FBXL13: variants seen among roughly 807,000 people sequenced by gnomAD.
The protein encoded by FBXL13 is F-box and leucine rich repeat protein 13.
FBXL13 carries 67 observed loss-of-function variants against 83.6 expected under a neutral mutation model. The observed-to-expected ratio is 0.80, with a 90% CI of 0.66 to 0.98. FBXL13 has a LOEUF of 0.98. FBXL13 is among the 50% of genes least tolerant of loss of function. The pLI is 0.00. For missense variants in FBXL13, 822 were observed against 866.5 expected (o/e 0.95, Z 0.64); for synonymous variants, 272 against 299.5 (o/e 0.91, Z 0.95).
chr7:102,993,100 A>G (rs1829748779), intron 6 of FBXL13, among the ~76,000 whole-genome samples: 1 of 152,230 alleles, frequency 6.6e-6, no homozygotes, highest in South Asian at 2.1e-4. Context: ...GTGGTTGTGG[A>G]ACCTTTCCTT....
rs186807929 is a variant in FBXL13, at chr7:103,060,519, T to C, written c.-104-4772A>G. On this transcript the variant is annotated intron_variant, in intron 1 of 19. Coordinates refer to ENST00000313221, the Ensembl canonical transcript of FBXL13. ...TGACTCTGACTTAAACCACACCTAATAGAAGATGTTAGGACAAAAGCATTT... is the reference window on the plus strand; with the variant it reads ...TGACTCTGACTTAAACCACACCTAACAGAAGATGTTAGGACAAAAGCATTT... 7.1e-3 allele frequency among the ~76,000 whole-genome samples: 1,074 copies of C among 152,160 alleles called. 16 individuals carry two copies. The highest frequency in any genetic ancestry group is 0.024 in the African/African-American group (1,014 of 41,530).
intron 8 of FBXL13, among the ~76,000 whole-genome samples, chr7:102,959,257 TTTC>T (rs1824788078): frequency 6.6e-6 from 1 of 152,224 alleles, no homozygotes; most frequent in East Asian, 1.9e-4. Flanking sequence ...TTTTGCATAA[TTTC>T]TTTTTTTCAC....
intron 6 of FBXL13, among the ~76,000 whole-genome samples, chr7:103,022,881 C>G (rs1793373268): frequency 6.6e-6 from 1 of 152,156 alleles, no homozygotes; most frequent in African/African-American, 2.4e-5. Flanking sequence ...ACAGAATAAA[C>G]AGACAACCTA....
rs1046131963 is a variant in FBXL13, at chr7:103,045,930, G to A, written c.-1+9714C>T. 4.6e-5 allele frequency among the ~76,000 whole-genome samples: 7 copies of A among 152,254 alleles called. No individual in the cohort carries two copies. The East Asian group carries it at 9.7e-4, about 21-fold the overall frequency. On this transcript the variant is annotated intron_variant, in intron 2 of 19. Coordinates refer to ENST00000313221, the Ensembl canonical transcript of FBXL13. ...CATGGTCGCACATTTCTTTCAGCTC[G>A]TCTTTCCATTTGAAGAGAGACCATT...
chr7:102,909,236 G>A (rs1157074342), intron 11 of FBXL13, among the ~76,000 whole-genome samples: 1 of 152,144 alleles, frequency 6.6e-6, no homozygotes, highest in Non-Finnish European at 1.5e-5. Context: ...TATGGCCCAA[G>A]GGCTTTTAAG....
At chr7:102,935,234 T>TTTTC (rs1820064760) in intron 8 of FBXL13, among the ~76,000 whole-genome samples, 1 of 133,374 alleles carries the variant, frequency 7.5e-6, no homozygotes, top group African/African-American at 2.6e-5. Context: ...TCCTTTTTTT[T>TTTTC]TTTCTTTCTT....
chr7:102,850,639 T>A (rs144957943), intron 17 of FBXL13, among the ~76,000 whole-genome samples: 8 of 152,220 alleles, frequency 5.3e-5, no homozygotes, highest in Non-Finnish European at 1.2e-4. Flanking sequence ...TTTAGAGGAA[T>A]CTTTCAACTT....
At chr7:102,818,746 G>C (rs945267651) in intron 19 of FBXL13, among the ~76,000 whole-genome samples, 1 of 151,960 alleles carries the variant, frequency 6.6e-6, no homozygotes, top group African/African-American at 2.4e-5. Context: ...TTGGGCTCCA[G>C]ATAGAAATAT....
At chr7:103,064,210 C>A (rs980167138) in intron 1 of FBXL13, among the ~76,000 whole-genome samples, 1 of 152,192 alleles carries the variant, frequency 6.6e-6, no homozygotes, top group Non-Finnish European at 1.5e-5. Context: ...ATATTGCCCT[C>A]CCCCATGACC....
intron 11 of FBXL13, among the ~76,000 whole-genome samples, chr7:102,887,739 C>T (rs1810984693): frequency 6.6e-6 from 1 of 152,158 alleles, no homozygotes; most frequent in Non-Finnish European, 1.5e-5. Flanking sequence ...AAATGTTTAT[C>T]ACATCTCAAA....
At chr7:103,060,037 T>TACAC (rs1490824202) in intron 1 of FBXL13, among the ~76,000 whole-genome samples, 38 of 93,222 alleles carry the variant, frequency 4.1e-4, no homozygotes, top group African/African-American at 1.9e-3. Flanking sequence ...TATATATATA[T>TACAC]ATATATATAT....
At chr7:103,010,870 C>G (rs1009585329) in intron 6 of FBXL13, among the ~76,000 whole-genome samples, 5 of 152,214 alleles carry the variant, frequency 3.3e-5, no homozygotes, top group African/African-American at 1.2e-4. Flanking sequence ...TGATTCAGCC[C>G]TGTGCAACCG....
At position 102,877,499 on chromosome 7, in the gene FBXL13, T is replaced by C. The variant is rs17135873; in HGVS notation, c.1603A>G (p.Ile535Val). ...GAGATGTCTGTTCCAGAGAGATCTA[T>C]TGATACCAAGGAAAAGATGTTTACA... is the stretch of plus-strand genomic sequence containing the variant. Residue 535 changes from isoleucine (I) to valine (V), a missense_variant, in exon 16 of 20, where the codon ATA becomes GTA. Transcript: ENST00000313221. The C allele has an allele frequency of 2.5e-3, 4,039 of 1,610,590 alleles. 96 individuals carry two copies. The African/African-American group carries it at 0.047, about 19-fold the overall frequency.
At chr7:102,904,196 T>C (rs1045104369) in intron 11 of FBXL13, among the ~76,000 whole-genome samples, 4 of 152,000 alleles carry the variant, frequency 2.6e-5, no homozygotes. Context: ...TGTTCAGATT[T>C]TGGATTTCTT....
chr7:102,860,151 G>T (rs540242002), intron 16 of FBXL13, among the ~76,000 whole-genome samples: 2 of 152,158 alleles, frequency 1.3e-5, no homozygotes, highest in African/African-American at 4.8e-5. Context: ...TTCATCCTAT[G>T]CAACAGAATT....
At chr7:102,832,719 CA>C in intron 18 of FBXL13, 120 bp downstream of exon 19, 1 of 1,217,806 alleles carries the variant, frequency 8.2e-7, no homozygotes, top group Non-Finnish European at 1.1e-6. Flanking sequence ...GAAAAAAATC[CA>C]ATGAATACCT....
intron 17 of FBXL13, among the ~76,000 whole-genome samples, chr7:102,835,186 A>T (rs1275713207): frequency 2.6e-5 from 4 of 152,182 alleles, no homozygotes; most frequent in Non-Finnish European, 5.9e-5. Context: ...CAACTGATTC[A>T]GCACTTAGGG....
intron 16 of FBXL13, among the ~76,000 whole-genome samples, chr7:102,867,140 GC>G (rs1055059801): frequency 2.6e-5 from 4 of 152,098 alleles, no homozygotes. Context: ...GATCACTTGA[GC>G]CCAGGAGTTT....
chr7:103,060,036 A>T (rs1475613646), intron 1 of FBXL13, among the ~76,000 whole-genome samples: 1 of 92,356 alleles, frequency 1.1e-5, no homozygotes, highest in African/African-American at 5.0e-5. Context: ...ATATATATAT[A>T]TATATATATA....
Sources: gnomAD v4.1 joint callset for allele counts (sites outside exome capture counted in the v4.1 genomes callset) on GRCh38, gnomAD v4.1.1 for gene constraint, MANE v1.5 for transcripts, NCBI Gene and HGNC (gene_info 2026-07-23, HGNC 2026-07-21) for gene names.